Variants in CNTLN observed in about 807,000 individuals in gnomAD.
The protein encoded by CNTLN is centlein, also known as centlein, centrosomal protein.
Under a neutral mutation model 180.0 loss-of-function variants are expected in CNTLN, and 212 were observed. The observed-to-expected ratio is 1.18, with a 90% CI of 1.05 to 1.32. The LOEUF is 1.32. Among genes scored for constraint, CNTLN ranks in the 40% most tolerant of loss-of-function variants. The pLI is 0.00. For missense variants in CNTLN, 2,095 were observed against 1,610.9 expected, an observed-to-expected ratio of 1.30 and a Z score of -5.14; for synonymous variants, 722 against 563.1, an observed-to-expected ratio of 1.28 and a Z score of -3.99.
intron 5 of CNTLN, among the ~76,000 whole-genome samples, chr9:17,247,779 CTTTTTTTT>C (rs572267371): frequency 9.2e-6 from 1 of 108,482 alleles, no homozygotes; most frequent in African/African-American, 3.4e-5. Flanking sequence ...AATACTTTTA[CTTTTTTTT>C]TTTTTTTTGC....
intron 13 of CNTLN, among the ~76,000 whole-genome samples, chr9:17,382,318 T>G (rs1009206113): frequency 6.6e-6 from 1 of 152,244 alleles, no homozygotes; most frequent in African/African-American, 2.4e-5. Flanking sequence ...TCAAGTTTAC[T>G]TACTATTAAG....
chr9:17,411,938 C>T (rs755853935), intron 16 of CNTLN, among the ~76,000 whole-genome samples: 1 of 152,106 alleles, frequency 6.6e-6, no homozygotes, highest in Middle Eastern at 3.2e-3. Flanking sequence ...CATTGAAATG[C>T]CTTTCCCTTC....
chr9:17,457,088 A>G (rs1831170032), intron 18 of CNTLN, among the ~76,000 whole-genome samples: 2 of 152,126 alleles, frequency 1.3e-5, no homozygotes, highest in South Asian at 4.1e-4. Context: ...AATGAGAAGC[A>G]TTTTGGCTGC....
At chr9:17,353,802 C>G (rs890625911) in intron 12 of CNTLN, among the ~76,000 whole-genome samples, 1 of 152,136 alleles carries the variant, frequency 6.6e-6, no homozygotes, top group African/African-American at 2.4e-5. Flanking sequence ...GCTTGCTCTC[C>G]GCACCTCCTC....
Position 17,366,615 on chromosome 9 carries a change from A to T in CNTLN, c.1887-2A>T. 7.0e-7 allele frequency: 1 copy of T among 1,425,066 alleles called. No homozygotes were observed. The highest frequency in any genetic ancestry group is 9.8e-7 in the Non-Finnish European group (1 of 1,020,842). 88.3% of individuals were successfully genotyped at this position (1,425,066 alleles called of 1,614,324 possible). A position where few individuals can be genotyped will look rare whatever the true frequency, so the allele number is the denominator to read the frequency against. ...AAGTAAATGTTTATTGCTTTTTCAT[A>T]GGATGAATCTTGAAGAAGAATTAGA... On this transcript the variant is annotated splice_acceptor_variant, in intron 12 of 25. Coordinates refer to ENST00000380647, the MANE Select transcript of CNTLN (RefSeq NM_017738.4). LOFTEE classifies it high-confidence loss of function.
rs903721224 is a variant in CNTLN, at chr9:17,262,036, C to T, written c.850-11697C>T. On this transcript the variant is annotated intron_variant, in intron 5 of 25. Coordinates refer to ENST00000380647, the MANE Select transcript of CNTLN (RefSeq NM_017738.4). ...AAAACCACTATGAGATACCATCTCA[C>T]GCCAGTTAGAACAGCGATTATTAAA... 7.3e-5 allele frequency among the ~76,000 whole-genome samples: 11 copies of T among 151,512 alleles called. 1 individual carries two copies. The highest frequency in any genetic ancestry group is 1.9e-4 in the East Asian group (1 of 5,190).
At chr9:17,508,424 G>A (rs551930246), downstream of CNTLN, among the ~76,000 whole-genome samples, 1 of 152,246 alleles carries the variant, frequency 6.6e-6, no homozygotes, top group East Asian at 1.9e-4. Flanking sequence ...GACCATAGAT[G>A]GATTTAAGTT....
chr9:17,322,364 C>G (rs1440850825), intron 8 of CNTLN, among the ~76,000 whole-genome samples: 1 of 151,934 alleles, frequency 6.6e-6, no homozygotes, highest in Non-Finnish European at 1.5e-5. Flanking sequence ...ATTATATTCA[C>G]AAAATTTGAA....
intron 5 of CNTLN, among the ~76,000 whole-genome samples, chr9:17,262,736 AAAAAT>A (rs762750644): frequency 4.0e-5 from 6 of 151,416 alleles, no homozygotes; most frequent in African/African-American, 1.2e-4. Flanking sequence ...AGAACTTAAA[AAAAAT>A]AAAATAAAGA....
chr9:17,189,037 G>A (rs1821618164), intron 2 of CNTLN, among the ~76,000 whole-genome samples: 1 of 114,282 alleles, frequency 8.8e-6, no homozygotes, highest in South Asian at 3.0e-4. Flanking sequence ...ATGCAGTTAA[G>A]TTACTTGTTA....
intron 2 of CNTLN, among the ~76,000 whole-genome samples, chr9:17,212,575 G>C (rs902950250): frequency 1.3e-5 from 2 of 152,324 alleles, no homozygotes; most frequent in East Asian, 3.9e-4. Context: ...CTCATAGAAT[G>C]AGTTAGGGAG....
chr9:17,446,633 A>T (rs904390702), intron 18 of CNTLN, among the ~76,000 whole-genome samples: 4 of 152,206 alleles, frequency 2.6e-5, no homozygotes, highest in African/African-American at 9.6e-5. Flanking sequence ...ATCATGGTCT[A>T]TTATAAATTT....
At chr9:17,449,323 T>C (rs371524508) in intron 18 of CNTLN, among the ~76,000 whole-genome samples, 4 of 141,300 alleles carry the variant, frequency 2.8e-5, no homozygotes, top group African/African-American at 1.0e-4. Flanking sequence ...TCTGTGTCCA[T>C]GTGATCTCAT....
At chr9:17,210,322 T>G (rs2131956640) in intron 2 of CNTLN, among the ~76,000 whole-genome samples, 2 of 152,360 alleles carry the variant, frequency 1.3e-5, no homozygotes, top group Middle Eastern at 6.8e-3. Context: ...TGTTTGGTTT[T>G]TTGTCCTTGC....
At chr9:17,363,253 G>A (rs1057032882) in intron 12 of CNTLN, among the ~76,000 whole-genome samples, 4 of 152,114 alleles carry the variant, frequency 2.6e-5, no homozygotes, top group East Asian at 1.9e-4. Context: ...TGGGATTGCT[G>A]GGTCAAATAG....
chr9:17,307,825 C>G (rs1818825047), intron 7 of CNTLN, among the ~76,000 whole-genome samples: 1 of 151,960 alleles, frequency 6.6e-6, no homozygotes, highest in African/African-American at 2.4e-5. Context: ...AGTTTCTTCC[C>G]ATGAGGCAAG....
chr9:17,215,555 G>T (rs1469799015), intron 2 of CNTLN, among the ~76,000 whole-genome samples: 2 of 152,216 alleles, frequency 1.3e-5, no homozygotes, highest in Non-Finnish European at 2.9e-5. Context: ...TCCATACTGG[G>T]AGAACGACTG....
intron 18 of CNTLN, among the ~76,000 whole-genome samples, chr9:17,427,760 G>A (rs1829182497): frequency 6.6e-6 from 1 of 152,102 alleles, no homozygotes; most frequent in Admixed American, 6.6e-5. Context: ...AGCCAGTGTT[G>A]GGGCTCTCAA....
the CNTLN span, among the ~76,000 whole-genome samples, chr9:17,518,135 C>A: frequency 6.7e-6 from 1 of 149,648 alleles, no homozygotes; most frequent in Non-Finnish European, 1.5e-5. Context: ...GCAACCTCTG[C>A]CTCCTGGGTT....
Sources: gnomAD v4.1 joint callset for allele counts (sites outside exome capture counted in the v4.1 genomes callset) on GRCh38, gnomAD v4.1.1 for gene constraint, MANE v1.5 for transcripts, NCBI Gene and HGNC (gene_info 2026-07-23, HGNC 2026-07-21) for gene names.